Variants in PDZRN3 observed in about 807,000 individuals in gnomAD.
PDZRN3 encodes the protein E3 ubiquitin-protein ligase PDZRN3.
In PDZRN3, 38 loss-of-function variants were observed where a neutral mutation model predicts 85.7. The observed-to-expected ratio is 0.44, with a 90% confidence interval of 0.34 to 0.58. The LOEUF (loss-of-function observed/expected upper bound fraction) is 0.58. PDZRN3 is among the 20% of genes least tolerant of loss of function. The pLI is 0.01. For synonymous variants in PDZRN3, 759 were observed against 638.0 expected (o/e 1.19, Z -2.86); for missense variants, 1,629 against 1,506.4 (o/e 1.08, Z -1.35).
At chr3:73,584,522 GAAAAT>G (rs1201997022) in intron 3 of PDZRN3, among the ~76,000 whole-genome samples, 1 of 150,000 alleles carries the variant, frequency 6.7e-6, no homozygotes, top group Non-Finnish European at 1.5e-5. Context: ...TTGTGGATAA[GAAAAT>G]AAAAGCTGAT....
intron 3 of PDZRN3, among the ~76,000 whole-genome samples, chr3:73,484,192 A>G (rs6549545): frequency 0.55 from 83,260 of 152,008 alleles, 24,223 homozygotes; most frequent in East Asian, 0.8. Flanking sequence ...AAGGTGTCCT[A>G]TGTTAAGAAA....
chr3:73,607,261 C>T (rs1702615079), intron 2 of PDZRN3, among the ~76,000 whole-genome samples: 1 of 152,182 alleles, frequency 6.6e-6, no homozygotes, highest in Admixed American at 6.5e-5. Context: ...TTAAAATACT[C>T]CCTTTTGTAC....
At chr3:73,394,509 T>C (rs1027648087) in intron 5 of PDZRN3, among the ~76,000 whole-genome samples, 1 of 152,158 alleles carries the variant, frequency 6.6e-6, no homozygotes, top group Admixed American at 6.5e-5. Context: ...CAGTTTTCTA[T>C]CTTAGAAGTG....
At chr3:73,394,558 A>C (rs1458536151) in intron 5 of PDZRN3, among the ~76,000 whole-genome samples, 3 of 152,228 alleles carry the variant, frequency 2.0e-5, no homozygotes, top group African/African-American at 7.2e-5. Context: ...TGGATGAACA[A>C]ATGCTGGTGA....
chr3:73,516,259 G>A (rs1055367220), intron 3 of PDZRN3, among the ~76,000 whole-genome samples: 13 of 152,300 alleles, frequency 8.5e-5, no homozygotes, highest in African/African-American at 3.1e-4. Context: ...TATAGATTAT[G>A]GAATTTATAA....
At chr3:73,563,691 C>T (rs1701885364) in intron 3 of PDZRN3, among the ~76,000 whole-genome samples, 2 of 152,102 alleles carry the variant, frequency 1.3e-5, no homozygotes, top group South Asian at 4.2e-4. Flanking sequence ...CGCTATATGG[C>T]CATAAATGCC....
intron 3 of PDZRN3, among the ~76,000 whole-genome samples, chr3:73,475,699 T>G (rs996743137): frequency 4.6e-5 from 7 of 152,296 alleles, no homozygotes; most frequent in African/African-American, 1.7e-4. Flanking sequence ...GGTAATGAAA[T>G]GAACTTTTAC....
Position 73,438,507 on chromosome 3 carries a change from G to A in PDZRN3, c.919-34112C>T, listed in dbSNP as rs556780197. Among the ~76,000 whole-genome samples the A allele has an allele frequency of 2.6e-5, 4 of 152,336 alleles. No homozygotes were observed. The East Asian group carries it at 7.7e-4, about 29-fold the overall frequency. On this transcript the variant is annotated intron_variant, in intron 3 of 9. Transcript: ENST00000263666. Reference sequence around the variant, plus strand: ...TCCAGCCATATAGACTTCTGGAAGAGTCATGTCAAAAAGAAGTGAGATGGC... The same window carrying A: ...TCCAGCCATATAGACTTCTGGAAGAATCATGTCAAAAAGAAGTGAGATGGC...
intron 3 of PDZRN3, among the ~76,000 whole-genome samples, chr3:73,531,005 C>T (rs906021644): frequency 6.6e-6 from 1 of 152,026 alleles, no homozygotes; most frequent in Non-Finnish European, 1.5e-5. Context: ...AATCCCAGCA[C>T]TTTGGGAGGC....
intron 3 of PDZRN3, among the ~76,000 whole-genome samples, chr3:73,516,781 C>T (rs569665604): frequency 5.3e-5 from 8 of 152,220 alleles, no homozygotes; most frequent in East Asian, 1.9e-4. Flanking sequence ...CTCCAGAAAA[C>T]GTTTACACTT....
chr3:73,456,994 TGTTGG>T (rs1702992118), intron 3 of PDZRN3, among the ~76,000 whole-genome samples: 1 of 152,134 alleles, frequency 6.6e-6, no homozygotes, highest in Admixed American at 6.5e-5. Context: ...GTATGTATCC[TGTTGG>T]TATGTTAAAA....
At chr3:73,584,452 GGTGTGTGTGTGTGTGT>G (rs56393203) in intron 3 of PDZRN3, among the ~76,000 whole-genome samples, 13 of 83,918 alleles carry the variant, frequency 1.5e-4, no homozygotes, top group South Asian at 4.3e-4. Context: ...TTCATTTAAT[GGTGTGTGTGTGTGTGT>G]GTGTGTGTGT....
At chr3:73,612,552 A>C (rs1330465531) in intron 1 of PDZRN3, among the ~76,000 whole-genome samples, 1 of 152,236 alleles carries the variant, frequency 6.6e-6, no homozygotes, top group Admixed American at 6.5e-5. Context: ...ATAATGGTTA[A>C]GTTCTGGGAC....
chr3:73,419,523 G>T (rs57982910), intron 3 of PDZRN3, among the ~76,000 whole-genome samples: 1 of 152,146 alleles, frequency 6.6e-6, no homozygotes. Flanking sequence ...CCAGGAGAAC[G>T]CGGTGTTTTT....
intron 3 of PDZRN3, among the ~76,000 whole-genome samples, chr3:73,409,566 G>C (rs529038638): frequency 6.6e-6 from 1 of 152,238 alleles, no homozygotes; most frequent in East Asian, 1.9e-4. Flanking sequence ...CAACACATGG[G>C]AATCACTTAA....
chr3:73,433,937 C>T, intron 3 of PDZRN3: 1 of 1,394,198 alleles, frequency 7.2e-7, no homozygotes, highest in Non-Finnish European at 9.3e-7. Flanking sequence ...TGCACACACA[C>T]ACACATACAC....
At chr3:73,540,152 T>G (rs1014522999) in intron 3 of PDZRN3, among the ~76,000 whole-genome samples, 5 of 127,354 alleles carry the variant, frequency 3.9e-5, no homozygotes, top group Non-Finnish European at 8.5e-5. Context: ...TGGTGTTAAA[T>G]ACTAAGAAAA....
At chr3:73,526,725 T>C (rs1014829187) in intron 3 of PDZRN3, among the ~76,000 whole-genome samples, 5 of 152,188 alleles carry the variant, frequency 3.3e-5, no homozygotes, top group Admixed American at 1.3e-4. Flanking sequence ...TCTCAGTCTG[T>C]TGCGCAGGCT....
At chr3:73,483,520 CCATTCTCTCTTTTCTGG>C (rs1224074509) in intron 3 of PDZRN3, among the ~76,000 whole-genome samples, 1 of 151,958 alleles carries the variant, frequency 6.6e-6, no homozygotes, top group Non-Finnish European at 1.5e-5. Flanking sequence ...AGGTTTCCTG[CCATTCTCTCTTTTCTGG>C]GGAAAGTGGC....
Sources: allele counts gnomAD v4.1 joint callset (sites outside exome capture counted in the v4.1 genomes callset), GRCh38; gene constraint gnomAD v4.1.1; transcripts MANE v1.5; gene names NCBI Gene and HGNC (gene_info 2026-07-23, HGNC 2026-07-21).